Variants in SRBD1 observed in about 807,000 individuals in gnomAD.
The protein encoded by SRBD1 is S1 RNA-binding domain-containing protein 1.
SRBD1 carries 88 observed loss-of-function variants against 115.3 expected under a neutral mutation model. That is an observed-to-expected ratio of 0.76 (90% CI 0.64 to 0.91). SRBD1 has a LOEUF of 0.91. SRBD1 is among the 40% of genes least tolerant of loss of function. The pLI is 0.00. For synonymous variants in SRBD1, 509 were observed against 407.7 expected (o/e 1.25, Z -2.99); for missense variants, 1,385 against 1,177.4 (o/e 1.18, Z -2.58).
At chr2:45,539,534 A>G (rs1045623002) in intron 14 of SRBD1, among the ~76,000 whole-genome samples, 4 of 152,216 alleles carry the variant, frequency 2.6e-5, no homozygotes, top group African/African-American at 9.6e-5. Flanking sequence ...GGAGATCACA[A>G]TGAAAATGGA....
At chr2:45,485,357 C>CTTG (rs143341525) in intron 15 of SRBD1, among the ~76,000 whole-genome samples, 4 of 152,254 alleles carry the variant, frequency 2.6e-5, no homozygotes, top group African/African-American at 4.8e-5. Flanking sequence ...AGCTTCAAAT[C>CTTG]TTGTTGTTGT....
intron 14 of SRBD1, among the ~76,000 whole-genome samples, chr2:45,496,711 T>C (rs1670470862): frequency 1.3e-5 from 2 of 152,158 alleles, no homozygotes; most frequent in African/African-American, 4.8e-5. Context: ...TTCTCTTACA[T>C]TTGTTTATCT....
intron 16 of SRBD1, among the ~76,000 whole-genome samples, chr2:45,468,157 AT>A (rs955252252): frequency 3.3e-5 from 5 of 151,988 alleles, no homozygotes; most frequent in Non-Finnish European, 5.9e-5. Context: ...TATATTTCAT[AT>A]TTTTAAATTT....
At chr2:45,410,787 A>T (rs1364666660) in intron 19 of SRBD1, among the ~76,000 whole-genome samples, 1 of 152,146 alleles carries the variant, frequency 6.6e-6, no homozygotes, top group Non-Finnish European at 1.5e-5. Context: ...AAACCTACTA[A>T]AAACCCAAAA....
intron 14 of SRBD1, among the ~76,000 whole-genome samples, chr2:45,525,045 G>A (rs1352063516): frequency 6.6e-6 from 1 of 151,948 alleles, no homozygotes; most frequent in Non-Finnish European, 1.5e-5. Flanking sequence ...GTAAAGAACA[G>A]TCTTTTCAAC....
intron 4 of SRBD1, among the ~76,000 whole-genome samples, chr2:45,590,468 G>A (rs1219283776): frequency 6.6e-6 from 1 of 152,176 alleles, no homozygotes; most frequent in Admixed American, 6.5e-5. Flanking sequence ...ACCTTGATTT[G>A]TAATCCCCAT....
At chr2:45,497,042 G>A (rs532680529) in intron 14 of SRBD1, among the ~76,000 whole-genome samples, 38 of 152,268 alleles carry the variant, frequency 2.5e-4, no homozygotes, top group African/African-American at 8.4e-4. Flanking sequence ...TCTTAATCTA[G>A]AGTCAGATCT....
At chr2:45,529,842 T>C (rs1001208629) in intron 14 of SRBD1, among the ~76,000 whole-genome samples, 4 of 152,032 alleles carry the variant, frequency 2.6e-5, no homozygotes, top group African/African-American at 7.2e-5. Context: ...AAAGACTTCC[T>C]CAAAGCATTT....
intron 19 of SRBD1, among the ~76,000 whole-genome samples, chr2:45,395,686 A>C (rs1667127290): frequency 6.6e-6 from 1 of 152,188 alleles, no homozygotes; most frequent in African/African-American, 2.4e-5. Context: ...GCACACACAC[A>C]CAAAGAGCCA....
intron 18 of SRBD1, among the ~76,000 whole-genome samples, chr2:45,414,615 G>A (rs1020502288): frequency 2.3e-5 from 3 of 128,584 alleles, no homozygotes; most frequent in African/African-American, 3.0e-5. Context: ...TATAGTGTGT[G>A]TACACACATA....
chr2:45,476,870 C>T, intron 16 of SRBD1, 123 bp downstream of exon 16: 1 of 819,892 alleles, frequency 1.2e-6, no homozygotes, highest in Non-Finnish European at 1.9e-6. Context: ...TCCTACTTTC[C>T]ACAAACTGTA....
At chr2:45,412,542 T>G (rs942363127) in intron 19 of SRBD1, among the ~76,000 whole-genome samples, 1 of 152,204 alleles carries the variant, frequency 6.6e-6, no homozygotes, top group African/African-American at 2.4e-5. Context: ...AATGTCGTTA[T>G]GTAGCAAGTC....
intron 14 of SRBD1, among the ~76,000 whole-genome samples, chr2:45,521,330 G>T (rs868338054): frequency 1.4e-5 from 2 of 140,028 alleles, no homozygotes; most frequent in Non-Finnish European, 1.6e-5. Context: ...AACCAAACTC[G>T]AAAACAGGCA....
chr2:45,564,836 A>G (rs1330816874), intron 9 of SRBD1, among the ~76,000 whole-genome samples: 1 of 152,232 alleles, frequency 6.6e-6, no homozygotes, highest in African/African-American at 2.4e-5. Flanking sequence ...CTGATTTTTC[A>G]TATACATGGG....
At chr2:45,537,977 C>A (rs2104001413) in intron 14 of SRBD1, among the ~76,000 whole-genome samples, 1 of 152,218 alleles carries the variant, frequency 6.6e-6, no homozygotes, top group East Asian at 1.9e-4. Context: ...GCTGTTGATA[C>A]CCATTGGAGA....
At chr2:45,595,082 T>G (rs781587816) in intron 4 of SRBD1, among the ~76,000 whole-genome samples, 1 of 152,232 alleles carries the variant, frequency 6.6e-6, no homozygotes, top group Non-Finnish European at 1.5e-5. Flanking sequence ...TTTTATGAAA[T>G]GAAGTGTTGC....
At chr2:45,592,542 A>T (rs192406452) in intron 4 of SRBD1, among the ~76,000 whole-genome samples, 112 of 151,406 alleles carry the variant, frequency 7.4e-4, no homozygotes, top group Non-Finnish European at 1.2e-3. Context: ...ACAAACTTCC[A>T]CTCCTACTCT....
chr2:45,567,007 T>C (rs1672849870), intron 9 of SRBD1, among the ~76,000 whole-genome samples: 1 of 152,166 alleles, frequency 6.6e-6, no homozygotes, highest in Non-Finnish European at 1.5e-5. Context: ...TCCATGAGGA[T>C]CTCTAACAAA....
intron 9 of SRBD1, among the ~76,000 whole-genome samples, chr2:45,565,590 A>G (rs1487571277): frequency 4.6e-5 from 7 of 152,212 alleles, no homozygotes; most frequent in Non-Finnish European, 8.8e-5. Flanking sequence ...TATAACACCA[A>G]AAGTGTAATC....
Sources: allele counts gnomAD v4.1 joint callset (sites outside exome capture counted in the v4.1 genomes callset), GRCh38; gene constraint gnomAD v4.1.1; transcripts MANE v1.5; gene names NCBI Gene and HGNC (gene_info 2026-07-23, HGNC 2026-07-21).